The following REDIC1 variants were observed in gnomAD, a reference collection of about 807,000 sequenced individuals.
REDIC1 encodes the protein regulator of DNA class I crossover intermediates 1.
the REDIC1 span, among the ~76,000 whole-genome samples, chr12:39,753,261 T>C: frequency 6.6e-6 from 1 of 152,158 alleles, no homozygotes; most frequent in Non-Finnish European, 1.5e-5. Context: ...AAAGCATCTA[T>C]AGTAAGATGA....
the REDIC1 span, among the ~76,000 whole-genome samples, chr12:39,629,224 GAGAA>G: frequency 2.0e-5 from 3 of 152,198 alleles, no homozygotes; most frequent in Non-Finnish European, 4.4e-5. Flanking sequence ...TCTTAGGAAA[GAGAA>G]AGATGAGTTG....
At chr12:39,679,790 A>G in the REDIC1 span, among the ~76,000 whole-genome samples, 4 of 152,334 alleles carry the variant, frequency 2.6e-5, no homozygotes, top group East Asian at 5.8e-4. Flanking sequence ...GTATAAATAT[A>G]GGTATGTGGA....
chr12:39,807,451 G>C, the REDIC1 span, among the ~76,000 whole-genome samples: 1 of 152,178 alleles, frequency 6.6e-6, no homozygotes, highest in Non-Finnish European at 1.5e-5. Flanking sequence ...ACTGGGTAAA[G>C]AGTACATGGG....
chr12:39,771,115 T>G, the REDIC1 span, among the ~76,000 whole-genome samples: 1 of 152,172 alleles, frequency 6.6e-6, no homozygotes, highest in African/African-American at 2.4e-5. Flanking sequence ...TCTATTTGCA[T>G]TAACACCATC....
chr12:39,759,725 G>C, the REDIC1 span: 1 of 274,296 alleles, frequency 3.6e-6, no homozygotes, highest in East Asian at 8.5e-5. Context: ...AGGAAAAAAG[G>C]ATACCACTGA....
chr12:39,760,783 CA>C, the REDIC1 span, among the ~76,000 whole-genome samples: 2 of 151,926 alleles, frequency 1.3e-5, no homozygotes, highest in African/African-American at 4.8e-5. Flanking sequence ...CAGCCAGAAA[CA>C]CATAAATATT....
chr12:39,794,123 C>CAAAAAAA, the REDIC1 span, among the ~76,000 whole-genome samples: 1 of 78,372 alleles, frequency 1.3e-5, no homozygotes, highest in African/African-American at 5.1e-5. Flanking sequence ...GGCCAAATTG[C>CAAAAAAA]AAAAAAAAAA....
the REDIC1 span, among the ~76,000 whole-genome samples, chr12:39,674,610 C>T: frequency 6.6e-6 from 1 of 152,314 alleles, no homozygotes; most frequent in East Asian, 1.9e-4. Flanking sequence ...AAACACACAT[C>T]TCCACTGGGG....
At chr12:39,720,673 C>A in the REDIC1 span, 1 of 849,262 alleles carries the variant, frequency 1.2e-6, no homozygotes. Flanking sequence ...AAACTCTCTT[C>A]TGTATTTAGA....
At chr12:39,692,045 C>G in the REDIC1 span, 20 of 1,565,826 alleles carry the variant, frequency 1.3e-5, no homozygotes, top group African/African-American at 1.6e-4. Context: ...TGGTTTTCTC[C>G]TAGATTCTGA....
the REDIC1 span, among the ~76,000 whole-genome samples, chr12:39,792,835 C>T: frequency 6.6e-5 from 10 of 150,710 alleles, no homozygotes; most frequent in South Asian, 2.1e-4. Context: ...AAGTGGACCA[C>T]GCAGTTCAAA....
chr12:39,876,191 G>A, the REDIC1 span, among the ~76,000 whole-genome samples: 5 of 152,158 alleles, frequency 3.3e-5, no homozygotes, highest in East Asian at 1.9e-4. Flanking sequence ...AGCCAAGGCC[G>A]GAAATCTACG....
chr12:39,865,719 C>T, the REDIC1 span, among the ~76,000 whole-genome samples: 2 of 152,170 alleles, frequency 1.3e-5, no homozygotes, highest in Non-Finnish European at 2.9e-5. Context: ...AGATCATGTC[C>T]TTTGCAGCAA....
chr12:39,866,874 A>G, the REDIC1 span, among the ~76,000 whole-genome samples: 1 of 152,252 alleles, frequency 6.6e-6, no homozygotes, highest in Non-Finnish European at 1.5e-5. Flanking sequence ...TCAAAATAAC[A>G]GAACAAAGTT....
chr12:39,726,384 C>T, the REDIC1 span, among the ~76,000 whole-genome samples: 1 of 152,106 alleles, frequency 6.6e-6, no homozygotes, highest in Admixed American at 6.6e-5. Flanking sequence ...CACAACTCAA[C>T]TCCCACTTAC....
At chr12:39,709,222 ATG>A in the REDIC1 span, among the ~76,000 whole-genome samples, 4 of 81,452 alleles carry the variant, frequency 4.9e-5, no homozygotes, top group African/African-American at 1.5e-4. Flanking sequence ...GCTTAGACTT[ATG>A]TGTTTTTTTT....
the REDIC1 span, chr12:39,683,375 T>C: frequency 1.4e-4 from 191 of 1,414,166 alleles, 1 homozygote; most frequent in Middle Eastern, 5.4e-3. Context: ...AAATAGACTA[T>C]GCTAAATTTT....
chr12:39,895,787 T>TACACACATGTATATACGTGTATATGC, the REDIC1 span, among the ~76,000 whole-genome samples: 1 of 43,846 alleles, frequency 2.3e-5, no homozygotes, highest in African/African-American at 8.6e-5. Context: ...CGTGTATACG[T>TACACACATGTATATACGTGTATATGC]ACACACATGT....
chr12:39,880,051 C>A, the REDIC1 span, among the ~76,000 whole-genome samples: 1 of 152,160 alleles, frequency 6.6e-6, no homozygotes, highest in African/African-American at 2.4e-5. Flanking sequence ...TGCACTCTCT[C>A]TCTCTCGCGC....
Sources: gnomAD v4.1 joint callset for allele counts (sites outside exome capture counted in the v4.1 genomes callset) on GRCh38, gnomAD v4.1.1 for gene constraint, MANE v1.5 for transcripts, NCBI Gene and HGNC (gene_info 2026-07-23, HGNC 2026-07-21) for gene names.